RTN4: variants seen among roughly 807,000 people sequenced by gnomAD.
The protein encoded by RTN4 is reticulon-4.
In RTN4, 32 loss-of-function variants were observed where a neutral mutation model predicts 90.4. The ratio of observed to expected loss-of-function variants is 0.35; its 90% CI spans 0.27 to 0.48. RTN4 has a LOEUF of 0.48. Ranked by LOEUF, RTN4 falls within the 20% of genes least tolerant of loss-of-function variation. The pLI, the probability that RTN4 is intolerant of heterozygous loss-of-function variation, is 0.99. For missense variants in RTN4, 1,706 were observed against 1,430.2 expected (o/e 1.19, Z -3.11); for synonymous variants, 629 against 552.5 (o/e 1.14, Z -1.94).
chr2:55,010,435 CA>C, intron 3 of RTN4: 1 of 999,814 alleles, frequency 1.0e-6, no homozygotes, highest in Non-Finnish European at 1.3e-6. Context: ...AGGGAGAGGG[CA>C]GGCTACCAAA....
Position 55,026,432 on chromosome 2 carries a change from T to C in RTN4, c.1667A>G (p.Gln556Arg). The change falls in exon 3 of 9, where the codon CAG becomes CGG. Residue 556 changes from glutamine (Q) to arginine (R), a missense_variant. Coordinates refer to ENST00000337526, the MANE Select transcript of RTN4 (RefSeq NM_020532.5). ...ATTCAATTCACTTTCACATGCTTCCTGTACTAAATCTGGAGTCAGGCCTTC... is the reference window on the plus strand; with the variant it reads ...ATTCAATTCACTTTCACATGCTTCCCGTACTAAATCTGGAGTCAGGCCTTC... ...MPEGLTPDLV[Q>R]EACESELNEV... 6.2e-7 allele frequency: 1 copy of C among 1,613,930 alleles called. No homozygotes were observed. The highest frequency in any genetic ancestry group is 8.5e-7 in the Non-Finnish European group (1 of 1,179,902).
At chr2:55,135,823 T>A in the RTN4 span, among the ~76,000 whole-genome samples, 1 of 152,228 alleles carries the variant, frequency 6.6e-6, no homozygotes, top group East Asian at 1.9e-4. Flanking sequence ...TACAGTAATA[T>A]ATATTTTTTA....
intron 1 of RTN4, among the ~76,000 whole-genome samples, chr2:55,039,429 A>G (rs1682912527): frequency 6.6e-6 from 1 of 152,152 alleles, no homozygotes; most frequent in African/African-American, 2.4e-5. Flanking sequence ...CCTTACTCGA[A>G]TTCTGATTCT....
At chr2:54,985,097 C>CTAATTAAAAATCA (rs898016275) in intron 4 of RTN4, among the ~76,000 whole-genome samples, 11 of 141,052 alleles carry the variant, frequency 7.8e-5, no homozygotes, top group Non-Finnish European at 1.4e-4. Flanking sequence ...TTCAGCATAA[C>CTAATTAAAAATCA]TAATTAAAAA....
intron 2 of RTN4, chr2:55,056,416 A>T (rs1668191540): frequency 6.6e-6 from 1 of 152,196 alleles, no homozygotes; most frequent in Non-Finnish European, 1.5e-5. Flanking sequence ...AAGAGAAGTC[A>T]TAAAGTGCTT....
chr2:55,105,803 G>A (rs898783318), intron 1 of RTN4, among the ~76,000 whole-genome samples: 17 of 151,816 alleles, frequency 1.1e-4, no homozygotes, highest in East Asian at 1.9e-4. Flanking sequence ...GAGACACCCC[G>A]CCCCAGACTC....
intron 3 of RTN4, among the ~76,000 whole-genome samples, chr2:54,988,242 G>A (rs1336761347): frequency 2.6e-5 from 4 of 152,240 alleles, no homozygotes; most frequent in South Asian, 2.1e-4. Context: ...GCTTGAACCC[G>A]GGAGGCAGAG....
chr2:54,979,024 T>C (rs1459149244), intron 5 of RTN4, among the ~76,000 whole-genome samples: 1 of 152,086 alleles, frequency 6.6e-6, no homozygotes, highest in Non-Finnish European at 1.5e-5. Flanking sequence ...AGTCCACTAT[T>C]AAGGAACTTA....
rs1011449161 is a variant in RTN4 at position 55,025,787 on chromosome 2, A to G, written c.2312T>C (p.Leu771Pro). 3.7e-6 allele frequency: 6 copies of G among 1,613,506 alleles called. No individual in the cohort carries two copies. In the African/African-American group the frequency reaches 8.0e-5, roughly 22 times the overall value. ...CATTGACTCAAATGAAGTCTCAGTG[A>G]GACTTTCTTTCACAAGCATCACAGT... ...DETVMLVKES[L>P]TETSFESMIE... The change falls in exon 3 of 9, where the codon CTC (leucine) becomes CCC (proline). Residue 771 changes from leucine (L) to proline (P), a missense_variant. Physicochemically the swap from Leu to Pro is moderately conservative, Grantham distance 98. Transcript: ENST00000337526.
chr2:54,998,781 G>T (rs1679640884), intron 3 of RTN4, among the ~76,000 whole-genome samples: 1 of 152,048 alleles, frequency 6.6e-6, no homozygotes, highest in South Asian at 2.1e-4. Context: ...AGAACTACAG[G>T]ATCACCAAAA....
At chr2:55,018,468 C>T (rs1230949804) in intron 3 of RTN4, among the ~76,000 whole-genome samples, 1 of 151,982 alleles carries the variant, frequency 6.6e-6, no homozygotes, top group Non-Finnish European at 1.5e-5. Context: ...TGACTATATA[C>T]ATTCCATCTT....
intron 1 of RTN4, among the ~76,000 whole-genome samples, chr2:55,089,614 C>A (rs1376291926): frequency 6.6e-6 from 1 of 152,264 alleles, no homozygotes; most frequent in Non-Finnish European, 1.5e-5. Flanking sequence ...CCTGCTCCAA[C>A]TAAGTGAATG....
intron 1 of RTN4, among the ~76,000 whole-genome samples, chr2:55,107,496 A>AG (rs1007807355): frequency 1.1e-4 from 17 of 151,814 alleles, no homozygotes; most frequent in Non-Finnish European, 1.6e-4. Context: ...TCACAGGGGA[A>AG]GGCAGAACAA....
At chr2:55,047,376 C>A (rs868606355) in intron 1 of RTN4, among the ~76,000 whole-genome samples, 45 of 150,364 alleles carry the variant, frequency 3.0e-4, no homozygotes, top group African/African-American at 8.6e-4. Flanking sequence ...TCATATTTTT[C>A]TCTTACCTCA....
At chr2:55,011,369 A>G (rs1680628774) in intron 3 of RTN4, among the ~76,000 whole-genome samples, 1 of 152,180 alleles carries the variant, frequency 6.6e-6, no homozygotes, top group South Asian at 2.1e-4. Context: ...TATGTACAGC[A>G]TTTTTAAAAT....
chr2:54,996,040 A>G (rs1286473202), intron 3 of RTN4, among the ~76,000 whole-genome samples: 1 of 152,224 alleles, frequency 6.6e-6, no homozygotes, highest in East Asian at 1.9e-4. Context: ...CACAATATCA[A>G]TATACAAAAA....
intron 1 of RTN4, among the ~76,000 whole-genome samples, chr2:55,048,395 T>C (rs1295632060): frequency 6.6e-6 from 1 of 152,230 alleles, no homozygotes; most frequent in Non-Finnish European, 1.5e-5. Context: ...TTTTCTATTT[T>C]ATAAACTTTT....
At chr2:55,094,283 C>A (rs1668994589) in intron 1 of RTN4, among the ~76,000 whole-genome samples, 1 of 152,204 alleles carries the variant, frequency 6.6e-6, no homozygotes, top group Non-Finnish European at 1.5e-5. Context: ...CACCAGGAAT[C>A]CATCAGCACC....
chr2:55,058,612 G>A (rs1350748505), intron 2 of RTN4, among the ~76,000 whole-genome samples: 1 of 152,190 alleles, frequency 6.6e-6, no homozygotes, highest in Non-Finnish European at 1.5e-5. Context: ...ATGGTAGTTG[G>A]AGGTTTTCAT....
Sources: allele counts gnomAD v4.1 joint callset (sites outside exome capture counted in the v4.1 genomes callset), GRCh38; gene constraint gnomAD v4.1.1; transcripts MANE v1.5; gene names NCBI Gene and HGNC (gene_info 2026-07-23, HGNC 2026-07-21).